The following FHIP1A variants were observed in gnomAD, a reference collection of about 807,000 sequenced individuals.
FHIP1A encodes FHF complex subunit HOOK-interacting protein 1A.
Under a neutral mutation model 88.6 loss-of-function variants are expected in FHIP1A, and 61 were observed. The ratio of observed to expected loss-of-function variants is 0.69; its 90% CI spans 0.56 to 0.85. The LOEUF (loss-of-function observed/expected upper bound fraction) is 0.85, where lower values mean the gene tolerates loss of function less well. FHIP1A is among the 40% of genes least tolerant of loss of function. The pLI, the probability that FHIP1A is intolerant of heterozygous loss-of-function variation, is 0.00. For missense variants in FHIP1A, 1,154 were observed against 1,273.5 expected (o/e 0.91, Z 1.43); for synonymous variants, 478 against 496.0 (o/e 0.96, Z 0.48).
At chr4:151,541,761 TGTCGGTA>T (rs1355404715) in intron 3 of FHIP1A, among the ~76,000 whole-genome samples, 1 of 152,256 alleles carries the variant, frequency 6.6e-6, no homozygotes, top group East Asian at 1.9e-4. Flanking sequence ...ACCTGGGCTC[TGTCGGTA>T]GTAGCCATTA....
intron 3 of FHIP1A, among the ~76,000 whole-genome samples, chr4:151,552,730 C>A (rs1469588016): frequency 6.7e-6 from 1 of 150,146 alleles, no homozygotes; most frequent in Non-Finnish European, 1.5e-5. Flanking sequence ...ATGTAAATGA[C>A]GAATTAATGG....
chr4:151,648,675 C>T (rs893013908), intron 10 of FHIP1A, among the ~76,000 whole-genome samples: 1 of 151,348 alleles, frequency 6.6e-6, no homozygotes, highest in Non-Finnish European at 1.5e-5. Flanking sequence ...ATAATATCTA[C>T]CATATAGGAT....
intron 6 of FHIP1A, among the ~76,000 whole-genome samples, chr4:151,587,895 A>G (rs1362957361): frequency 6.6e-6 from 1 of 152,088 alleles, no homozygotes; most frequent in African/African-American, 2.4e-5. Flanking sequence ...AGTTTGTGGA[A>G]ATAAAAAAGA....
At chr4:151,524,977 C>G (rs1181055571) in intron 3 of FHIP1A, among the ~76,000 whole-genome samples, 2 of 152,158 alleles carry the variant, frequency 1.3e-5, no homozygotes, top group African/African-American at 4.8e-5. Context: ...CTCTTTTGAT[C>G]AAAGGGCTTT....
At chr4:151,493,559 A>G (rs1730356991) in intron 3 of FHIP1A, among the ~76,000 whole-genome samples, 1 of 152,200 alleles carries the variant, frequency 6.6e-6, no homozygotes, top group Non-Finnish European at 1.5e-5. Context: ...ATTAACATAG[A>G]AGCAAAAATC....
intron 8 of FHIP1A, among the ~76,000 whole-genome samples, chr4:151,633,736 G>A (rs1001988166): frequency 5.3e-5 from 8 of 151,794 alleles, no homozygotes; most frequent in African/African-American, 1.7e-4. Flanking sequence ...CAGAAAAGGC[G>A]CTTGACAAAT....
Position 151,662,504 on chromosome 4 carries a change from C to T in FHIP1A, c.2873C>T (p.Pro958Leu), listed in dbSNP as rs1347556698. 1 of 1,524,968 alleles carries T rather than the reference C, an allele frequency of 6.6e-7. No homozygotes were observed. The highest frequency in any genetic ancestry group is 8.8e-7 in the Non-Finnish European group (1 of 1,130,968). 94.5% of individuals were successfully genotyped at this position (1,524,968 alleles called of 1,614,324 possible). Residue 958 changes from proline to leucine, a missense_variant, in exon 14 of 14, where the codon CCC (proline) becomes CTC (leucine). Coordinates refer to ENST00000435205, the MANE Select transcript of FHIP1A (RefSeq NM_001109977.3). ...DMTPAALTKD[P>L]IQEASRTGSG... is the part of the protein sequence containing the mutation. ...ATGGTTTTCTTTCTGCTTTCAGATC[C>T]CATTCAGGAGGCTTCCAGGACAGGA...
chr4:151,531,879 A>G (rs1221680125), intron 3 of FHIP1A, among the ~76,000 whole-genome samples: 3 of 152,216 alleles, frequency 2.0e-5, no homozygotes, highest in African/African-American at 7.2e-5. Context: ...CCAGGGCCCA[A>G]AAAGAAGTAT....
chr4:151,493,591 T>C (rs1309817872), intron 3 of FHIP1A, among the ~76,000 whole-genome samples: 1 of 152,140 alleles, frequency 6.6e-6, no homozygotes, highest in African/African-American at 2.4e-5. Flanking sequence ...ACTAGCTAAC[T>C]GAATCCAACA....
intron 10 of FHIP1A, among the ~76,000 whole-genome samples, chr4:151,648,311 T>A (rs953915960): frequency 1.3e-5 from 2 of 152,236 alleles, no homozygotes; most frequent in African/African-American, 4.8e-5. Flanking sequence ...CTTAGAAGAC[T>A]GCCTCGCATG....
At chr4:151,658,087 C>T (rs1737316896) in intron 13 of FHIP1A, among the ~76,000 whole-genome samples, 1 of 152,170 alleles carries the variant, frequency 6.6e-6, no homozygotes, top group African/African-American at 2.4e-5. Flanking sequence ...CAGGCAAAGG[C>T]ATTCATGGAG....
chr4:151,452,429 T>C (rs1246702730), intron 1 of FHIP1A, among the ~76,000 whole-genome samples: 1 of 152,156 alleles, frequency 6.6e-6, no homozygotes, highest in East Asian at 1.9e-4. Flanking sequence ...TTTCTGGTTA[T>C]AAAAGTGATA....
At chr4:151,461,858 C>A (rs1487555552) in intron 2 of FHIP1A, among the ~76,000 whole-genome samples, 1 of 152,122 alleles carries the variant, frequency 6.6e-6, no homozygotes, top group Non-Finnish European at 1.5e-5. Flanking sequence ...GGCATGGGAT[C>A]GACTCTGTAA....
intron 7 of FHIP1A, among the ~76,000 whole-genome samples, chr4:151,604,538 G>T (rs1312385887): frequency 6.6e-6 from 1 of 152,060 alleles, no homozygotes; most frequent in Admixed American, 6.5e-5. Flanking sequence ...CTTTCAATTT[G>T]GTCTTACCAA....
intron 3 of FHIP1A, among the ~76,000 whole-genome samples, chr4:151,544,748 G>C (rs930832786): frequency 3.3e-5 from 5 of 152,144 alleles, no homozygotes; most frequent in African/African-American, 1.2e-4. Flanking sequence ...AGCTGGCTCA[G>C]CTTGACTTAA....
chr4:151,536,992 A>C (rs527757563), intron 3 of FHIP1A, among the ~76,000 whole-genome samples: 1 of 152,094 alleles, frequency 6.6e-6, no homozygotes, highest in East Asian at 1.9e-4. Flanking sequence ...CTCCCACTTC[A>C]GCTTCCTGAG....
At chr4:151,442,226 A>G (rs1302842512) in intron 1 of FHIP1A, among the ~76,000 whole-genome samples, 1 of 152,114 alleles carries the variant, frequency 6.6e-6, no homozygotes, top group Non-Finnish European at 1.5e-5. Flanking sequence ...GGGTGTTCCC[A>G]TGTTATAATG....
intron 3 of FHIP1A, among the ~76,000 whole-genome samples, chr4:151,556,641 T>C (rs1028688253): frequency 6.6e-6 from 1 of 152,132 alleles, no homozygotes; most frequent in Non-Finnish European, 1.5e-5. Flanking sequence ...CAGTTTTGTA[T>C]AGTCATTTCA....
At position 151,649,919 on chromosome 4, in the gene FHIP1A, G is replaced by C; in HGVS notation, c.1878G>C (p.Leu626=). ...HIQEMKKNAL[L]LFKGSYIEES... ...AGGAGATGAAGAAGAATGCCCTCCT[G>C]CTCTTCAAAGGGTCCTACATAGAAG... The change falls in exon 11 of 14, where the codon CTG becomes CTC. Residue 626 remains leucine, a synonymous_variant. Coordinates refer to ENST00000435205, the MANE Select transcript of FHIP1A (RefSeq NM_001109977.3). 1 of 1,551,586 alleles carries C rather than the reference G, an allele frequency of 6.4e-7. No individual in the cohort carries two copies. Among genetic ancestry groups the C allele is most frequent in the African/African-American group, 1.4e-5 (1 of 73,122 alleles).
Sources: gnomAD v4.1 joint callset for allele counts (sites outside exome capture counted in the v4.1 genomes callset) on GRCh38, gnomAD v4.1.1 for gene constraint, MANE v1.5 for transcripts, NCBI Gene and HGNC (gene_info 2026-07-23, HGNC 2026-07-21) for gene names.